ARHGAP15: variants seen among roughly 807,000 people sequenced by gnomAD.
The protein encoded by ARHGAP15 is Rho GTPase activating protein 15.
ARHGAP15 carries 51 observed loss-of-function variants against 63.7 expected under a neutral mutation model. The observed-to-expected ratio is 0.80, with a 90% CI of 0.64 to 1.01. The LOEUF is 1.01. Ranked by LOEUF, ARHGAP15 falls within the 50% of genes least tolerant of loss-of-function variation. The pLI, the probability that ARHGAP15 is intolerant of heterozygous loss-of-function variation, is 0.00. For missense variants in ARHGAP15, 560 were observed against 564.6 expected (o/e 0.99, Z 0.08); for synonymous variants, 191 against 193.8 (o/e 0.99, Z 0.12).
chr2:143,531,106 C>T (rs1206461997), intron 10 of ARHGAP15, among the ~76,000 whole-genome samples: 1 of 68,840 alleles, frequency 1.5e-5, no homozygotes, highest in African/African-American at 5.8e-5. Context: ...TGGGTTGATG[C>T]TGTGTGTGTA....
chr2:143,635,103 T>A (rs1050260964), intron 12 of ARHGAP15, among the ~76,000 whole-genome samples: 14 of 151,912 alleles, frequency 9.2e-5, no homozygotes, highest in Non-Finnish European at 2.1e-4. Flanking sequence ...TCACTTTTTC[T>A]TTCAGTTGCC....
intron 13 of ARHGAP15, among the ~76,000 whole-genome samples, chr2:143,708,297 T>G (rs1196751744): frequency 6.6e-6 from 1 of 152,230 alleles, no homozygotes; most frequent in Non-Finnish European, 1.5e-5. Context: ...TGTATTATAT[T>G]ACATGTATTA....
intron 11 of ARHGAP15, among the ~76,000 whole-genome samples, chr2:143,559,800 G>A (rs1308554371): frequency 2.0e-5 from 3 of 152,146 alleles, no homozygotes; most frequent in African/African-American, 7.2e-5. Flanking sequence ...GGCAATGCAG[G>A]GAAAATTCCA....
At chr2:143,294,101 C>T (rs1558872077) in intron 6 of ARHGAP15, among the ~76,000 whole-genome samples, 2 of 151,956 alleles carry the variant, frequency 1.3e-5, no homozygotes, top group Non-Finnish European at 2.9e-5. Context: ...TAACTGAATT[C>T]CTACTCAATA....
chr2:143,468,039 G>T (rs982139221), intron 8 of ARHGAP15, among the ~76,000 whole-genome samples: 1 of 152,014 alleles, frequency 6.6e-6, no homozygotes. Flanking sequence ...CTTCCTTAAA[G>T]CTGGAAAACA....
intron 9 of ARHGAP15, among the ~76,000 whole-genome samples, chr2:143,509,935 C>T (rs977287674): frequency 6.9e-6 from 1 of 143,916 alleles, no homozygotes; most frequent in East Asian, 2.1e-4. Context: ...GCAGGAGAAT[C>T]GCTTGAACCA....
At chr2:143,444,244 AC>A (rs1483248343) in intron 8 of ARHGAP15, among the ~76,000 whole-genome samples, 2 of 152,132 alleles carry the variant, frequency 1.3e-5, no homozygotes, top group Non-Finnish European at 2.9e-5. Context: ...CTTTGCTCTA[AC>A]TCTCAAGCAA....
intron 2 of ARHGAP15, among the ~76,000 whole-genome samples, chr2:143,158,375 AGC>A (rs1690163234): frequency 6.6e-6 from 1 of 151,942 alleles, no homozygotes. Flanking sequence ...TCCAACCCTC[AGC>A]TATGCAAACG....
rs386391398 is a variant in ARHGAP15, at chr2:143,184,852, CT to C, written c.166-17271del. On this transcript the variant is annotated intron_variant, in intron 2 of 13. Coordinates refer to ENST00000295095, the MANE Select transcript of ARHGAP15 (RefSeq NM_018460.4). ...GATGCCCAGCTTTTTTTTCTTTTTT[CT>C]TTTTTTTTTTGTAGAGACAAAGTCT... is the stretch of plus-strand genomic sequence containing the variant. Among the ~76,000 whole-genome samples the C allele has an allele frequency of 8.1e-4, 117 of 145,220 alleles. 2 individuals are homozygous for C. In the East Asian group the frequency reaches 0.01, roughly 13 times the overall value.
intron 11 of ARHGAP15, among the ~76,000 whole-genome samples, chr2:143,583,474 T>C (rs138160105): frequency 3.4e-4 from 52 of 152,276 alleles, no homozygotes; most frequent in African/African-American, 1.2e-3. Flanking sequence ...CTGTTACTTT[T>C]ATAGAAAGTT....
chr2:143,356,914 G>A (rs571296536), intron 6 of ARHGAP15, among the ~76,000 whole-genome samples: 15 of 152,208 alleles, frequency 9.9e-5, no homozygotes, highest in South Asian at 2.1e-4. Flanking sequence ...CCCCTGACAC[G>A]CCATCCGTCA....
At chr2:143,563,607 A>G (rs1696110744) in intron 11 of ARHGAP15, among the ~76,000 whole-genome samples, 1 of 152,224 alleles carries the variant, frequency 6.6e-6, no homozygotes, top group Non-Finnish European at 1.5e-5. Flanking sequence ...TTTTCCATAT[A>G]GACTTGACTA....
chr2:143,507,788 G>T (rs1420957934), intron 9 of ARHGAP15, among the ~76,000 whole-genome samples: 1 of 152,070 alleles, frequency 6.6e-6, no homozygotes, highest in African/African-American at 2.4e-5. Context: ...TGCCACCTGG[G>T]ATCACCCCCG....
chr2:143,293,157 T>A (rs911140079), intron 6 of ARHGAP15, among the ~76,000 whole-genome samples: 2 of 152,092 alleles, frequency 1.3e-5, no homozygotes, highest in Non-Finnish European at 2.9e-5. Flanking sequence ...GTTGTATTGA[T>A]ACCACCCTCT....
At chr2:143,370,181 A>C (rs1312010466) in intron 6 of ARHGAP15, among the ~76,000 whole-genome samples, 2 of 152,146 alleles carry the variant, frequency 1.3e-5, no homozygotes, top group African/African-American at 2.4e-5. Context: ...AAGCATACCA[A>C]TTTCCCCCAG....
intron 6 of ARHGAP15, among the ~76,000 whole-genome samples, chr2:143,278,092 A>G (rs1681653120): frequency 1.3e-5 from 2 of 152,178 alleles, no homozygotes; most frequent in South Asian, 2.1e-4. Flanking sequence ...AGAAAATGCC[A>G]AGATAAAAAC....
chr2:143,458,504 A>G (rs1690768107), intron 8 of ARHGAP15, among the ~76,000 whole-genome samples: 1 of 152,142 alleles, frequency 6.6e-6, no homozygotes, highest in African/African-American at 2.4e-5. Flanking sequence ...ATTTAAAGGG[A>G]AGGAGATTCC....
intron 9 of ARHGAP15, among the ~76,000 whole-genome samples, chr2:143,496,314 G>C (rs1228651017): frequency 1.3e-5 from 2 of 152,144 alleles, no homozygotes; most frequent in Admixed American, 1.3e-4. Flanking sequence ...TTAAAAGCCT[G>C]TTGTGCACAC....
intron 5 of ARHGAP15, chr2:143,237,874 T>A (rs1391055542): frequency 6.6e-6 from 1 of 152,200 alleles, no homozygotes; most frequent in Admixed American, 6.5e-5. Flanking sequence ...TTTGTTACTC[T>A]TATGTTTTTT....
Sources: gnomAD v4.1 joint callset for allele counts (sites outside exome capture counted in the v4.1 genomes callset) on GRCh38, gnomAD v4.1.1 for gene constraint, MANE v1.5 for transcripts, NCBI Gene and HGNC (gene_info 2026-07-23, HGNC 2026-07-21) for gene names.